KLHL14: variants seen among roughly 807,000 people sequenced by gnomAD.
KLHL14 encodes kelch-like protein 14.
Under a neutral mutation model 64.3 loss-of-function variants are expected in KLHL14, and 22 were observed. That is an observed-to-expected ratio of 0.34 (90% CI 0.24 to 0.49). The LOEUF is 0.49. Among genes scored for constraint, KLHL14 ranks in the 20% least tolerant of loss-of-function variants. The pLI is 0.99. For missense variants in KLHL14, 661 were observed against 789.0 expected (o/e 0.84, Z 1.94); for synonymous variants, 322 against 333.4 (o/e 0.97, Z 0.37).
At chr18:32,706,638 C>G (rs907924329) in intron 3 of KLHL14, among the ~76,000 whole-genome samples, 14 of 152,114 alleles carry the variant, frequency 9.2e-5, no homozygotes, top group African/African-American at 3.4e-4. Flanking sequence ...GGTCCCTAAA[C>G]TGGTTTGAAC....
rs1220621644 is a variant in KLHL14 at position 32,770,479 on chromosome 18, G to C, written c.113C>G (p.Thr38Arg). 1.9e-6 allele frequency: 3 copies of C among 1,612,266 alleles called. No individual in the cohort carries two copies. Among genetic ancestry groups the C allele is most frequent in the Admixed American group, 3.3e-5 (2 of 59,968 alleles). The change falls in exon 2 of 9, where the codon ACG (threonine) becomes AGG (arginine). Residue 38 changes from threonine (T) to arginine (R), a missense_variant. By Grantham distance (71) the Thr-to-Arg change is moderately conservative. Transcript: ENST00000359358. This position sits in a 1 kb window ranked among gnomAD's most constrained non-coding sequence, Gnocchi z 6.7. The stretch of plus-strand genomic sequence containing the variant: ...GCAATGGAACTGCTGGCCCTGGGCC[G>C]TCAGGGTCACGTCGCAAAACAGCTG... ...RKQLFCDVTL[T>R]AQGQQFHCHK... is the part of the protein sequence containing the mutation.
chr18:32,687,255 A>AT (rs758693882), intron 4 of KLHL14, 22 bp from the exon 5 acceptor site: 1 of 1,580,880 alleles, frequency 6.3e-7, no homozygotes, highest in Non-Finnish European at 8.7e-7. Flanking sequence ...CATTCGAGAC[A>AT]TTTAAAACTT....
At chr18:32,749,996 C>T (rs1275867447) in intron 2 of KLHL14, among the ~76,000 whole-genome samples, 2 of 151,826 alleles carry the variant, frequency 1.3e-5, no homozygotes, top group Non-Finnish European at 2.9e-5. Context: ...CTAGTGAGGG[C>T]CCACTTCCCA....
chr18:32,717,978 C>G (rs1027563808), intron 3 of KLHL14, among the ~76,000 whole-genome samples: 1 of 152,158 alleles, frequency 6.6e-6, no homozygotes, highest in Non-Finnish European at 1.5e-5. Flanking sequence ...TTCTACAGCC[C>G]AGTAGTTACC....
intron 3 of KLHL14, among the ~76,000 whole-genome samples, chr18:32,701,599 G>A (rs1031073674): frequency 6.6e-6 from 1 of 152,124 alleles, no homozygotes; most frequent in African/African-American, 2.4e-5. Context: ...ATGATAAAAA[G>A]GCATAGGAGG....
chr18:32,725,018 C>A (rs1005110895), intron 3 of KLHL14, among the ~76,000 whole-genome samples: 1 of 136,192 alleles, frequency 7.3e-6, no homozygotes, highest in Admixed American at 7.3e-5. Flanking sequence ...CCCCTCCCTT[C>A]CCTTTTTTTT....
chr18:32,732,447 G>A (rs1477886608), intron 3 of KLHL14, among the ~76,000 whole-genome samples: 1 of 152,208 alleles, frequency 6.6e-6, no homozygotes, highest in Non-Finnish European at 1.5e-5. Flanking sequence ...TTAGGGGCTA[G>A]TAAATATTTT....
chr18:32,731,496 T>G, intron 3 of KLHL14, among the ~76,000 whole-genome samples: 1 of 149,636 alleles, frequency 6.7e-6, no homozygotes, highest in Non-Finnish European at 1.5e-5. Context: ...AGGGGGAGGG[T>G]GGGAGGAGGG....
intron 2 of KLHL14, among the ~76,000 whole-genome samples, chr18:32,756,569 C>A (rs763518103): frequency 6.6e-6 from 1 of 152,186 alleles, no homozygotes; most frequent in African/African-American, 2.4e-5. Context: ...CTCTTTCCTG[C>A]ACAAGAGGTG....
At chr18:32,763,763 C>A (rs761457825) in intron 2 of KLHL14, among the ~76,000 whole-genome samples, 1 of 152,180 alleles carries the variant, frequency 6.6e-6, no homozygotes, top group Non-Finnish European at 1.5e-5. Context: ...ACTGCACCAA[C>A]CTTAAGTGTC....
intron 3 of KLHL14, among the ~76,000 whole-genome samples, chr18:32,739,576 A>G (rs2144528164): frequency 1.3e-5 from 2 of 152,230 alleles, no homozygotes; most frequent in South Asian, 4.1e-4. Context: ...TTTCAAAGCC[A>G]TAAGTATGTC....
In KLHL14 at chr18:32,770,904, T is replaced by C. The variant is rs2050380683; in HGVS notation, c.-43-270A>G. ...GCTCCTCTCGCCACCTCCCACACAC[T>C]TCGTCCCTCACTTTCCTAAAACCAA... On this transcript the variant is annotated intron_variant, in intron 1 of 8. Coordinates refer to ENST00000359358, the MANE Select transcript of KLHL14 (RefSeq NM_020805.3). The surrounding 1 kb of genome is among the most constrained non-coding windows in gnomAD (Gnocchi z 6.7). 1 of 479,488 alleles carries C rather than the reference T, an allele frequency of 2.1e-6. No homozygotes were observed. The highest frequency in any genetic ancestry group is 3.9e-6 in the Non-Finnish European group (1 of 259,522). 29.7% of individuals were successfully genotyped at this position (479,488 alleles called of 1,614,324 possible).
rs1038163600 is a variant in KLHL14, at chr18:32,761,181, G to A, written c.947+8464C>T. Among the ~76,000 whole-genome samples, 57 of 152,214 alleles carry A rather than the reference G, an allele frequency of 3.7e-4. 2 individuals are homozygous for A. Among genetic ancestry groups the A allele is most frequent in the Admixed American group, 2.5e-3 (39 of 15,298 alleles). ...AACCCATTTTACTGCTGCAGGACTC[G>A]GCTAACGTGGAGCCAGGCCACTCAT... is the stretch of plus-strand genomic sequence containing the variant. On this transcript the variant is annotated intron_variant, in intron 2 of 8. Transcript: ENST00000359358.
At position 32,673,174 on chromosome 18, in the gene KLHL14, G is replaced by C. The variant is rs2049793859; in HGVS notation, c.*1483C>G. On this transcript the variant is annotated 3_prime_UTR_variant, in exon 9 of 9. Coordinates refer to ENST00000359358, the MANE Select transcript of KLHL14 (RefSeq NM_020805.3). ...AAAACAACGAAGATTGCACTTTACTGTAGAAACGGCATCGGATTCCAGTAT... is the reference window on the plus strand; with the variant it reads ...AAAACAACGAAGATTGCACTTTACTCTAGAAACGGCATCGGATTCCAGTAT... The C allele has an allele frequency of 6.6e-6, 1 of 152,546 alleles. No individual in the cohort carries two copies. Among genetic ancestry groups the C allele is most frequent in the African/African-American group, 2.4e-5 (1 of 41,430 alleles). 9.4% of individuals were successfully genotyped at this position (152,546 alleles called of 1,614,324 possible).
intron 7 of KLHL14, among the ~76,000 whole-genome samples, chr18:32,678,866 A>G (rs1460858213): frequency 6.6e-6 from 1 of 152,152 alleles, no homozygotes; most frequent in Non-Finnish European, 1.5e-5. Context: ...GATTGTCATT[A>G]CCTGAGTCTT....
Position 32,673,669 on chromosome 18 carries a change from C to T in KLHL14, c.*988G>A, listed in dbSNP as rs2049796817. ...TTGGCTCCTGTGGCTCTTGTAAGTTCTGTGTTTTAGAAACAGAAAGACAAC... is the reference window on the plus strand; with the variant it reads ...TTGGCTCCTGTGGCTCTTGTAAGTTTTGTGTTTTAGAAACAGAAAGACAAC... On this transcript the variant is annotated 3_prime_UTR_variant, in exon 9 of 9. Coordinates refer to ENST00000359358, the MANE Select transcript of KLHL14 (RefSeq NM_020805.3). 6.6e-6 allele frequency: 1 copy of T among 152,166 alleles called. No homozygotes were observed. Among genetic ancestry groups the T allele is most frequent in the Non-Finnish European group, 1.5e-5 (1 of 68,032 alleles). The allele number at this position is 152,166 out of a possible 1,614,324, so 9.4% of individuals were successfully genotyped here.
chr18:32,713,059 GT>G (rs2050028004), intron 3 of KLHL14, among the ~76,000 whole-genome samples: 1 of 152,074 alleles, frequency 6.6e-6, no homozygotes, highest in African/African-American at 2.4e-5. Flanking sequence ...TTAATACTTT[GT>G]TTTTGTTAAT....
intron 2 of KLHL14, among the ~76,000 whole-genome samples, chr18:32,750,518 C>T (rs906656699): frequency 1.3e-5 from 2 of 152,076 alleles, no homozygotes; most frequent in Non-Finnish European, 2.9e-5. Flanking sequence ...ATTGCATAAG[C>T]AAGTTTAACA....
intron 2 of KLHL14, among the ~76,000 whole-genome samples, chr18:32,752,504 C>G (rs182540408): frequency 1.3e-5 from 2 of 152,274 alleles, no homozygotes; most frequent in East Asian, 3.9e-4. Context: ...ATGAGTCTTT[C>G]TCTTGTTACG....
Sources: allele counts gnomAD v4.1 joint callset (sites outside exome capture counted in the v4.1 genomes callset), GRCh38; gene constraint gnomAD v4.1.1; non-coding constraint Gnocchi (gnomAD v3.1); transcripts MANE v1.5; gene names NCBI Gene and HGNC (gene_info 2026-07-23, HGNC 2026-07-21).